ANKRD36: variants seen among roughly 807,000 people sequenced by gnomAD.
The protein encoded by ANKRD36 is ankyrin repeat domain 36.
Under a neutral mutation model 278.1 loss-of-function variants are expected in ANKRD36, and 179 were observed. The observed-to-expected ratio is 0.64, with a 90% CI of 0.57 to 0.73. The LOEUF (loss-of-function observed/expected upper bound fraction) is 0.73, where lower values mean the gene tolerates loss of function less well. Among genes scored for constraint, ANKRD36 ranks in the 30% least tolerant of loss-of-function variants. The pLI is 0.00. For synonymous variants in ANKRD36, 320 were observed against 641.1 expected, an observed-to-expected ratio of 0.50 and a Z score of 7.57; for missense variants, 1,159 against 1,956.7, an observed-to-expected ratio of 0.59 and a Z score of 7.69.
chr2:97,143,774 C>A (rs76636659), intron 8 of ANKRD36, among the ~76,000 whole-genome samples: 1 of 146,734 alleles, frequency 6.8e-6, no homozygotes, highest in South Asian at 2.2e-4. Flanking sequence ...CTAATGATTT[C>A]AGTAACTTTA....
chr2:97,224,449 T>G (rs1450480829), intron 66 of ANKRD36, among the ~76,000 whole-genome samples: 2 of 141,878 alleles, frequency 1.4e-5, no homozygotes, highest in East Asian at 5.3e-4. Flanking sequence ...TTTTTGTTTT[T>G]TTGTTTTTTT....
At position 97,118,464 on chromosome 2, in the gene ANKRD36, T is replaced by A. The variant is rs749710774; in HGVS notation, c.433T>A (p.Ser145Thr). ...CTACGCTGTGTATAATGAAGATACA[T>A]CCATGATAGAAAAACTTCTTTCACA... ...LHYAVYNEDT[S>T]MIEKLLSHGT... Residue 145 changes from serine to threonine, a missense_variant, in exon 3 of 76, where the codon TCC (serine) becomes ACC (threonine). Physicochemically the swap from Ser to Thr is moderately conservative, Grantham distance 58. Transcript: ENST00000420699. 5 of 1,604,804 alleles carry A rather than the reference T, an allele frequency of 3.1e-6. No homozygotes were observed. In the Admixed American group the frequency reaches 6.8e-5, roughly 22 times the overall value.
intron 10 of ANKRD36, 104 bp downstream of exon 10, chr2:97,144,816 C>G: frequency 7.2e-7 from 1 of 1,396,094 alleles, no homozygotes; most frequent in Non-Finnish European, 9.6e-7. Flanking sequence ...CATTCTGATT[C>G]AGCGGGCCTG....
intron 67 of ANKRD36, among the ~76,000 whole-genome samples, chr2:97,229,567 C>T (rs1461835131): frequency 6.6e-6 from 1 of 152,076 alleles, no homozygotes; most frequent in Non-Finnish European, 1.5e-5. Context: ...ATACAGCACA[C>T]TGATGGATCT....
chr2:97,230,883 T>C (rs1175725032), intron 67 of ANKRD36, among the ~76,000 whole-genome samples: 1 of 152,120 alleles, frequency 6.6e-6, no homozygotes, highest in African/African-American at 2.4e-5. Flanking sequence ...TGCAGGTCTG[T>C]TGGAGTTTGC....
chr2:97,166,942 G>GT (rs2050893993), intron 20 of ANKRD36, among the ~76,000 whole-genome samples: 1 of 152,258 alleles, frequency 6.6e-6, no homozygotes, highest in Non-Finnish European at 1.5e-5. Context: ...TTGTTAAAAT[G>GT]TAACTGTCGA....
rs538620509 is a variant in ANKRD36, at chr2:97,193,685, C to T, written c.2449+632C>T. Among the ~76,000 whole-genome samples, 6 of 151,724 alleles carry T rather than the reference C, an allele frequency of 4.0e-5. No individual in the cohort carries two copies. The East Asian group carries it at 9.8e-4, about 25-fold the overall frequency. On this transcript the variant is annotated intron_variant, in intron 38 of 75. Transcript: ENST00000420699. Reference sequence around the variant, plus strand: ...AGGAAACAATGGTATAATTGGAATACACCACACTGACCCATTACTCCTCTG... The same window carrying T: ...AGGAAACAATGGTATAATTGGAATATACCACACTGACCCATTACTCCTCTG...
chr2:97,242,784 TGAG>T (rs1438079177), intron 69 of ANKRD36, among the ~76,000 whole-genome samples: 5 of 113,020 alleles, frequency 4.4e-5, no homozygotes, highest in African/African-American at 1.4e-4. Context: ...TCATCCTAAT[TGAG>T]GAGTAATTAC....
intron 46 of ANKRD36, 81 bp from the exon 47 acceptor site, chr2:97,202,121 T>C (rs1575796577): frequency 3.8e-6 from 6 of 1,592,036 alleles, no homozygotes; most frequent in Non-Finnish European, 8.5e-7. Context: ...AGGACAGAGG[T>C]TGATTCTAAC....
At chr2:97,226,564 A>G (rs1232133122) in intron 67 of ANKRD36, among the ~76,000 whole-genome samples, 1 of 151,284 alleles carries the variant, frequency 6.6e-6, no homozygotes, top group Non-Finnish European at 1.5e-5. Flanking sequence ...ATTTTCTCCC[A>G]TGTTGTAGGT....
chr2:97,161,378 CTACCTTTAAAA>C lies in ANKRD36; in HGVS notation c.1390-700_1390-690del, dbSNP rs905137562. 5.3e-4 allele frequency among the ~76,000 whole-genome samples: 80 copies of C among 152,138 alleles called. 1 individual carries two copies. The South Asian group carries it at 6.5e-3, about 12-fold the overall frequency. On this transcript the variant is annotated intron_variant, in intron 17 of 75. Transcript: ENST00000420699. ...AGTGACTCACCAAATTTTGTATTTT[CTACCTTTAAAA>C]TACCTTTAAAATACCTTTAACCATT...
intron 54 of ANKRD36, among the ~76,000 whole-genome samples, chr2:97,208,221 G>C (rs1284087408): frequency 6.8e-6 from 1 of 146,582 alleles, no homozygotes; most frequent in Non-Finnish European, 1.5e-5. Flanking sequence ...CATTGAAATT[G>C]GGAAGAAGAA....
At chr2:97,126,969 T>G in intron 5 of ANKRD36, 98 bp from the exon 6 acceptor site, 1 of 483,102 alleles carries the variant, frequency 2.1e-6, no homozygotes, top group Admixed American at 4.1e-5. Context: ...ATAATTAACA[T>G]CCTGATATTG....
At chr2:97,214,151 G>A (rs201314752) in intron 60 of ANKRD36, among the ~76,000 whole-genome samples, 1 of 148,868 alleles carries the variant, frequency 6.7e-6, no homozygotes, top group East Asian at 2.0e-4. Flanking sequence ...AAACCTGAGT[G>A]GACTCACTTC....
chr2:97,142,261 A>G (rs919107998), intron 6 of ANKRD36, among the ~76,000 whole-genome samples: 9 of 152,382 alleles, frequency 5.9e-5, no homozygotes, highest in Non-Finnish European at 1.0e-4. Context: ...CATCTCTTGC[A>G]CTAAAGACAT....
intron 58 of ANKRD36, chr2:97,212,796 A>C (rs2065010998): frequency 5.7e-6 from 1 of 173,992 alleles, no homozygotes; most frequent in South Asian, 1.5e-4. Flanking sequence ...AGAAGGCTAA[A>C]CGAGTGGATA....
At chr2:97,158,196 T>TTATA in intron 16 of ANKRD36, 29 bp downstream of exon 16, 1 of 1,414,128 alleles carries the variant, frequency 7.1e-7, no homozygotes, top group East Asian at 2.5e-5. Flanking sequence ...GACTATTATA[T>TTATA]TATCTACTGA....
chr2:97,232,284 A>T (rs865845088), intron 67 of ANKRD36, among the ~76,000 whole-genome samples: 40 of 143,440 alleles, frequency 2.8e-4, no homozygotes, highest in African/African-American at 1.0e-3. Flanking sequence ...GCATGTGCAA[A>T]AATTGTCTCA....
Position 97,118,125 on chromosome 2 carries a change from A to G in ANKRD36, c.259A>G (p.Arg87Gly), listed in dbSNP as rs1451629675. 3.2e-6 allele frequency: 5 copies of G among 1,563,084 alleles called. No homozygotes were observed. Among genetic ancestry groups the G allele is most frequent in the South Asian group, 1.2e-5 (1 of 84,716 alleles). Residue 87 changes from arginine to glycine, a missense_variant, in exon 2 of 76, where the codon AGA (arginine) becomes GGA (glycine). Arg to Gly is a moderately radical substitution (Grantham distance 125). Coordinates refer to ENST00000420699, the MANE Select transcript of ANKRD36 (RefSeq NM_001354587.1). ...QPEMVHLLVS[R>G]RCELNLCDRE... is the part of the protein sequence containing the mutation. The stretch of plus-strand genomic sequence containing the variant: ...GGAAATGGTACATCTCCTGGTGTCC[A>G]GAAGATGTGAGCTTAACCTCTGCGA...
Sources: allele counts gnomAD v4.1 joint callset (sites outside exome capture counted in the v4.1 genomes callset), GRCh38; gene constraint gnomAD v4.1.1; transcripts MANE v1.5; gene names NCBI Gene and HGNC (gene_info 2026-07-23, HGNC 2026-07-21).